Variants in CYP19A1 observed in about 807,000 individuals in gnomAD.
CYP19A1 encodes cytochrome P450 family 19 subfamily A member 1.
A neutral mutation model predicts 44.4 loss-of-function variants in CYP19A1; 32 were observed. The ratio of observed to expected loss-of-function variants is 0.72; its 90% CI spans 0.54 to 0.97. CYP19A1 has a LOEUF of 0.97. Among genes scored for constraint, CYP19A1 ranks in the 50% least tolerant of loss-of-function variants. The pLI, the probability that CYP19A1 is intolerant of heterozygous loss-of-function variation, is 0.00. For missense variants in CYP19A1, 598 were observed against 637.8 expected, an observed-to-expected ratio of 0.94 and a Z score of 0.67; for synonymous variants, 212 against 215.6, an observed-to-expected ratio of 0.98 and a Z score of 0.14.
chr15:51,332,095 T>G lies in CYP19A1; in HGVS notation c.-39+6400A>C, dbSNP rs75701213. Among the ~76,000 whole-genome samples the G allele has an allele frequency of 9.9e-3, 1,515 of 152,292 alleles. 24 individuals are homozygous for G. Among genetic ancestry groups the G allele is most frequent in the African/African-American group, 0.035 (1,455 of 41,558 alleles). Reference sequence around the variant, plus strand: ...TTCTATTTTACTTAATATTTATTACTTATTTAAGCCCCCTTGATGTTCTTT... The same window carrying G: ...TTCTATTTTACTTAATATTTATTACGTATTTAAGCCCCCTTGATGTTCTTT... On this transcript the variant is annotated intron_variant, in intron 1 of 9. Coordinates refer to ENST00000396402, the MANE Select transcript of CYP19A1 (RefSeq NM_000103.4).
chr15:51,287,715 G>A (rs1336107553), intron 1 of CYP19A1, among the ~76,000 whole-genome samples: 1 of 152,150 alleles, frequency 6.6e-6, no homozygotes, highest in Admixed American at 6.5e-5. Flanking sequence ...TTATTCAACT[G>A]AGTCCTGGTT....
At position 51,210,408 on chromosome 15, in the gene CYP19A1, C is replaced by G. The variant is rs1433687320; in HGVS notation, c.*400G>C. On this transcript the variant is annotated 3_prime_UTR_variant, in exon 10 of 10. Transcript: ENST00000396402. ...GTACCCTGACATTGGCCTGGTCTTT[C>G]TAATCAACTTGAGTGTTTCTGCCCC... 2 of 508,732 alleles carry G rather than the reference C, an allele frequency of 3.9e-6. No individual in the cohort carries two copies. Among genetic ancestry groups the G allele is most frequent in the East Asian group, 4.5e-5 (1 of 22,458 alleles). 31.5% of individuals were successfully genotyped at this position (508,732 alleles called of 1,614,324 possible). A position where few individuals can be genotyped will look rare whatever the true frequency, so the allele number is the denominator to read the frequency against.
intron 1 of CYP19A1, among the ~76,000 whole-genome samples, chr15:51,283,328 A>C (rs2035591338): frequency 6.6e-6 from 1 of 152,178 alleles, no homozygotes; most frequent in Admixed American, 6.5e-5. Flanking sequence ...TTAGCTGAAA[A>C]ACACCACTCC....
chr15:51,260,849 C>G (rs2034688625), intron 1 of CYP19A1, among the ~76,000 whole-genome samples: 1 of 152,330 alleles, frequency 6.6e-6, no homozygotes, highest in Admixed American at 6.5e-5. Context: ...CAGGTGTGGG[C>G]AACCCTGTTT....
intron 1 of CYP19A1, among the ~76,000 whole-genome samples, chr15:51,300,359 C>T (rs1042173145): frequency 3.9e-5 from 6 of 152,178 alleles, no homozygotes; most frequent in South Asian, 2.1e-4. Flanking sequence ...GAGGGCCGCA[C>T]GCAGCCTATT....
Position 51,324,489 on chromosome 15 carries a change from G to A in CYP19A1, c.-39+14006C>T, listed in dbSNP as rs565038190. ...ATTGAGCCCCACTCTGATGAATTAAGTAATGTACCCTGTGTGACAACATAA... is the reference window on the plus strand; with the variant it reads ...ATTGAGCCCCACTCTGATGAATTAAATAATGTACCCTGTGTGACAACATAA... On this transcript the variant is annotated intron_variant, in intron 1 of 9. Transcript: ENST00000396402. Among the ~76,000 whole-genome samples, 4 of 152,224 alleles carry A rather than the reference G, an allele frequency of 2.6e-5. No homozygotes were observed. In the East Asian group the frequency reaches 5.8e-4, roughly 22 times the overall value.
Position 51,210,487 on chromosome 15 carries a change from C to G in CYP19A1, c.*321G>C, listed in dbSNP as rs1011536925. On this transcript the variant is annotated 3_prime_UTR_variant, in exon 10 of 10. Coordinates refer to ENST00000396402, the MANE Select transcript of CYP19A1 (RefSeq NM_000103.4). ...AGTAGAGCTCTACTGGGGAACCAGACATACATTTTGTTAATGAAGGCCTAT... is the reference window on the plus strand; with the variant it reads ...AGTAGAGCTCTACTGGGGAACCAGAGATACATTTTGTTAATGAAGGCCTAT... The G allele has an allele frequency of 1.8e-5, 10 of 544,624 alleles. No individual in the cohort carries two copies. Among genetic ancestry groups the G allele is most frequent in the Non-Finnish European group, 3.5e-5 (10 of 283,632 alleles). 33.7% of individuals were successfully genotyped at this position (544,624 alleles called of 1,614,324 possible). A position where few individuals can be genotyped will look rare whatever the true frequency, so the allele number is the denominator to read the frequency against.
chr15:51,295,517 C>A (rs2035976380), intron 1 of CYP19A1, among the ~76,000 whole-genome samples: 1 of 152,198 alleles, frequency 6.6e-6, no homozygotes, highest in Non-Finnish European at 1.5e-5. Flanking sequence ...CTTGCTAACA[C>A]CCTAGTCCTC....
In CYP19A1 at chr15:51,320,842, T is replaced by G. The variant is rs1461589545; in HGVS notation, c.-39+17653A>C. On this transcript the variant is annotated intron_variant, in intron 1 of 9. Transcript: ENST00000396402. ...ATATATTTAATTCAACCCAGCATATTCTAAATGAAATTATTTCATCATGTA... is the reference window on the plus strand; with the variant it reads ...ATATATTTAATTCAACCCAGCATATGCTAAATGAAATTATTTCATCATGTA... 2.0e-5 allele frequency: 3 copies of G among 152,346 alleles called. 1 individual carries two copies. Among genetic ancestry groups the G allele is most frequent in the Middle Eastern group, 6.8e-3 (2 of 294 alleles). 9.4% of individuals were successfully genotyped at this position (152,346 alleles called of 1,614,324 possible).
chr15:51,257,943 T>C (rs2034575838), intron 1 of CYP19A1, among the ~76,000 whole-genome samples: 1 of 152,260 alleles, frequency 6.6e-6, no homozygotes, highest in Non-Finnish European at 1.5e-5. Flanking sequence ...CTAACACTTA[T>C]TAAGTGCTTA....
chr15:51,314,787 T>G (rs571090707), intron 1 of CYP19A1, among the ~76,000 whole-genome samples: 3 of 152,372 alleles, frequency 2.0e-5, no homozygotes, highest in African/African-American at 7.2e-5. Flanking sequence ...CACCATTTTC[T>G]TCCTGGAGAA....
intron 1 of CYP19A1, among the ~76,000 whole-genome samples, chr15:51,306,095 C>T (rs937857275): frequency 5.3e-5 from 8 of 152,100 alleles, no homozygotes; most frequent in African/African-American, 1.9e-4. Flanking sequence ...CACTTGAATC[C>T]CCCTGGCAGG....
intron 1 of CYP19A1, among the ~76,000 whole-genome samples, chr15:51,315,535 T>G (rs1258396032): frequency 6.6e-6 from 1 of 152,252 alleles, no homozygotes; most frequent in African/African-American, 2.4e-5. Flanking sequence ...CTGCACAGTT[T>G]ACTGTTGTAT....
chr15:51,294,361 C>T lies in CYP19A1; in HGVS notation c.-39+44134G>A, dbSNP rs1453895052. Among the ~76,000 whole-genome samples, 15 of 150,188 alleles carry T rather than the reference C, an allele frequency of 1.0e-4. No homozygotes were observed. In the South Asian group the frequency reaches 2.1e-3, roughly 21 times the overall value. ...GATGTGAGGAGCGCCTCTGCCCGGC[C>T]GCGACCCCATCTGGGAGGTGAGGAG... On this transcript the variant is annotated intron_variant, in intron 1 of 9. Coordinates refer to ENST00000396402, the MANE Select transcript of CYP19A1 (RefSeq NM_000103.4).
chr15:51,278,706 T>C (rs2035413170), intron 1 of CYP19A1, among the ~76,000 whole-genome samples: 1 of 152,064 alleles, frequency 6.6e-6, no homozygotes, highest in African/African-American at 2.4e-5. Flanking sequence ...GTTCAGGGGG[T>C]GCTTGGGTAA....
chr15:51,308,421 C>A (rs2036252928), intron 1 of CYP19A1, among the ~76,000 whole-genome samples: 1 of 151,912 alleles, frequency 6.6e-6, no homozygotes, highest in Non-Finnish European at 1.5e-5. Flanking sequence ...GTTTCTGCAT[C>A]ATTTTAGTTT....
chr15:51,301,020 A>G (rs888119222), intron 1 of CYP19A1, among the ~76,000 whole-genome samples: 1 of 152,190 alleles, frequency 6.6e-6, no homozygotes, highest in African/African-American at 2.4e-5. Context: ...AGACAATGGA[A>G]CCAGTTCACA....
intron 1 of CYP19A1, among the ~76,000 whole-genome samples, chr15:51,254,558 T>A (rs1209212164): frequency 2.6e-5 from 4 of 152,150 alleles, no homozygotes; most frequent in Non-Finnish European, 4.4e-5. Flanking sequence ...GTCTCATGGA[T>A]CCATCCTTCA....
intron 1 of CYP19A1, among the ~76,000 whole-genome samples, chr15:51,280,993 GCCCAGGCGC>G (rs932134622): frequency 1.2e-4 from 18 of 152,264 alleles, no homozygotes; most frequent in African/African-American, 4.3e-4. Context: ...GCCACTGCAG[GCCCAGGCGC>G]CCGTTACTGG....
Sources: gnomAD v4.1 joint callset for allele counts (sites outside exome capture counted in the v4.1 genomes callset) on GRCh38, gnomAD v4.1.1 for gene constraint, MANE v1.5 for transcripts, NCBI Gene and HGNC (gene_info 2026-07-23, HGNC 2026-07-21) for gene names.